The following ATP8A2 variants were observed in gnomAD, a reference collection of about 807,000 sequenced individuals.
ATP8A2 encodes ATPase phospholipid transporting 8A2.
In ATP8A2, 100 loss-of-function variants were observed where a neutral mutation model predicts 165.6. That is an observed-to-expected ratio of 0.60 (90% CI 0.51 to 0.71). The LOEUF is 0.71. Ranked by LOEUF, ATP8A2 falls within the 30% of genes least tolerant of loss-of-function variation. The pLI, the probability that ATP8A2 is intolerant of heterozygous loss-of-function variation, is 0.00. For synonymous variants in ATP8A2, 543 were observed against 548.8 expected, an observed-to-expected ratio of 0.99 and a Z score of 0.15; for missense variants, 1,227 against 1,479.5, an observed-to-expected ratio of 0.83 and a Z score of 2.80.
At chr13:25,443,058 A>G (rs117946465) in intron 1 of ATP8A2, among the ~76,000 whole-genome samples, 1,684 of 152,224 alleles carry the variant, frequency 0.011, 15 homozygotes, top group Middle Eastern at 0.017. Flanking sequence ...ATGAAGTCCA[A>G]TTTGTCTATT....
intron 2 of ATP8A2, among the ~76,000 whole-genome samples, chr13:25,519,121 A>C (rs1012722712): frequency 1.3e-5 from 2 of 152,082 alleles, no homozygotes; most frequent in African/African-American, 4.8e-5. Flanking sequence ...GAGCTCTCCC[A>C]CCTTGGCGTT....
At chr13:25,537,051 A>T (rs1429127027) in intron 6 of ATP8A2, among the ~76,000 whole-genome samples, 1 of 152,052 alleles carries the variant, frequency 6.6e-6, no homozygotes, top group Non-Finnish European at 1.5e-5. Context: ...TGTTCTCTCT[A>T]CCCTAGTGCT....
intron 24 of ATP8A2, among the ~76,000 whole-genome samples, chr13:25,593,190 A>G (rs113529596): frequency 0.049 from 7,399 of 152,236 alleles, 205 homozygotes; most frequent in Middle Eastern, 0.075. Context: ...TGGAGCTCCC[A>G]GGTTGAGAAT....
intron 36 of ATP8A2, among the ~76,000 whole-genome samples, chr13:26,015,277 G>A (rs977315297): frequency 6.6e-6 from 1 of 152,214 alleles, no homozygotes; most frequent in Non-Finnish European, 1.5e-5. Flanking sequence ...AGATCGTCGG[G>A]TGGTCAGAGC....
chr13:25,699,359 G>A lies in ATP8A2; in HGVS notation c.2384+14G>A, dbSNP rs750222184. On this transcript the variant is annotated intron_variant, in intron 25 of 36. Coordinates refer to ENST00000381655, the MANE Select transcript of ATP8A2 (RefSeq NM_016529.6). ...CATATGCTGCAGGTAGGAACCTGCA[G>A]GCTGTGCACAGTTCACACTCTGCTG... 3 of 1,595,210 alleles carry A rather than the reference G, an allele frequency of 1.9e-6. No individual in the cohort carries two copies. The highest frequency in any genetic ancestry group is 8.5e-7 in the Non-Finnish European group (1 of 1,169,600).
intron 26 of ATP8A2, among the ~76,000 whole-genome samples, chr13:25,774,003 C>T (rs1457244583): frequency 2.6e-5 from 4 of 152,008 alleles, no homozygotes; most frequent in African/African-American, 4.8e-5. Context: ...TGTGAGTGTC[C>T]CTGTCCCTTG....
In ATP8A2 at chr13:25,862,265, C is replaced by A; in HGVS notation, c.3076-36C>A. The A allele has an allele frequency of 2.6e-6, 4 of 1,527,536 alleles. No individual in the cohort carries two copies. The South Asian group carries it at 3.4e-5, about 13-fold the overall frequency. The allele number at this position is 1,527,536 out of a possible 1,614,324, so 94.6% of individuals were successfully genotyped here. A position where few individuals can be genotyped will look rare whatever the true frequency, so the allele number is the denominator to read the frequency against. Reference sequence around the variant, plus strand: ...GTTGGGGTGAATCTGCCAGGCTGGTCGAGAAGCCTGTCTGAGTGTCTATTT... The same window carrying A: ...GTTGGGGTGAATCTGCCAGGCTGGTAGAGAAGCCTGTCTGAGTGTCTATTT... On this transcript the variant is annotated intron_variant, in intron 32 of 36. Transcript: ENST00000381655.
intron 34 of ATP8A2, among the ~76,000 whole-genome samples, chr13:25,968,343 G>T (rs981479489): frequency 9.9e-5 from 15 of 152,184 alleles, no homozygotes; most frequent in Non-Finnish European, 1.9e-4. Context: ...TGCGGGGTGG[G>T]GGTGACTCTT....
intron 2 of ATP8A2, among the ~76,000 whole-genome samples, chr13:25,519,339 C>T (rs2037583612): frequency 6.6e-6 from 1 of 152,098 alleles, no homozygotes; most frequent in Non-Finnish European, 1.5e-5. Context: ...TTTTCCCCTG[C>T]AGTATTCATC....
At chr13:25,465,723 C>CTTTCTTTTCTTTCT (rs2035636391) in intron 1 of ATP8A2, among the ~76,000 whole-genome samples, 2 of 47,396 alleles carry the variant, frequency 4.2e-5, no homozygotes, top group Non-Finnish European at 4.1e-5. Flanking sequence ...TTCTTTCTTT[C>CTTTCTTTTCTTTCT]TTTCTTTCTT....
rs886786786 is a variant in ATP8A2, at chr13:26,020,279, T to A, written c.*294T>A. The A allele has an allele frequency of 1.0e-5, 4 of 384,494 alleles. No individual in the cohort carries two copies. The Admixed American group carries it at 1.3e-4, about 12-fold the overall frequency. The allele number at this position is 384,494 out of a possible 1,614,324, so 23.8% of individuals were successfully genotyped here. On this transcript the variant is annotated 3_prime_UTR_variant, in exon 37 of 37. Transcript: ENST00000381655. ...GTGAGGTGTGAAATTAAAAACATTA[T>A]GTTTCACCAATATTTAAACATCAGT...
At chr13:25,936,874 GC>G (rs1171999466) in intron 33 of ATP8A2, among the ~76,000 whole-genome samples, 1 of 152,182 alleles carries the variant, frequency 6.6e-6, no homozygotes. Flanking sequence ...GAGGTCTGAG[GC>G]GTGGAACTCT....
At chr13:26,012,442 C>A in intron 35 of ATP8A2, 89 bp from the exon 36 acceptor site, 1 of 1,044,322 alleles carries the variant, frequency 9.6e-7, no homozygotes, top group South Asian at 1.5e-5. Flanking sequence ...GAGGTGATCC[C>A]CCACCTCATC....
At chr13:25,893,433 C>T (rs1034268569) in intron 33 of ATP8A2, among the ~76,000 whole-genome samples, 2 of 151,916 alleles carry the variant, frequency 1.3e-5, no homozygotes, top group Non-Finnish European at 2.9e-5. Context: ...GCCACATTTT[C>T]TTAATCCAGT....
chr13:25,511,957 A>G (rs2037241353), intron 2 of ATP8A2, among the ~76,000 whole-genome samples: 1 of 150,744 alleles, frequency 6.6e-6, no homozygotes, highest in Non-Finnish European at 1.5e-5. Context: ...GGGTCATAGG[A>G]CAATAGTGGA....
chr13:26,019,295 G>A (rs891637146), intron 36 of ATP8A2, among the ~76,000 whole-genome samples: 1 of 152,190 alleles, frequency 6.6e-6, no homozygotes, highest in Non-Finnish European at 1.5e-5. Flanking sequence ...TACTCAAGAG[G>A]CTGAAGCAGG....
intron 33 of ATP8A2, among the ~76,000 whole-genome samples, chr13:25,924,914 G>C (rs1386921717): frequency 6.6e-6 from 1 of 152,112 alleles, no homozygotes; most frequent in African/African-American, 2.4e-5. Context: ...ACATGCCTTT[G>C]CTCCTCCTTT....
rs1955414007 is a variant in ATP8A2 at position 25,953,052 on chromosome 13, T to C, written c.3184-8523T>C. Among the ~76,000 whole-genome samples, 1 of 152,174 alleles carries C rather than the reference T, an allele frequency of 6.6e-6. No homozygotes were observed. Among genetic ancestry groups the C allele is most frequent in the Non-Finnish European group, 1.5e-5 (1 of 68,024 alleles). ...GGCAAGGAGGGCTGAGAAGAGAAGG[T>C]GGCAATGGCAACTGCAAGGGTTCTT... On this transcript the variant is annotated intron_variant, in intron 33 of 36. Transcript: ENST00000381655. The surrounding 1 kb of genome is among the most constrained non-coding windows in gnomAD (Gnocchi z 6.7).
At chr13:25,977,364 G>T (rs1369898567) in intron 35 of ATP8A2, among the ~76,000 whole-genome samples, 1 of 152,182 alleles carries the variant, frequency 6.6e-6, no homozygotes, top group Non-Finnish European at 1.5e-5. Flanking sequence ...CTCTCGCCTT[G>T]CTGACAAATA....
Sources: gnomAD v4.1 joint callset for allele counts (sites outside exome capture counted in the v4.1 genomes callset) on GRCh38, gnomAD v4.1.1 for gene constraint, Gnocchi (gnomAD v3.1) non-coding constraint, MANE v1.5 for transcripts, NCBI Gene and HGNC (gene_info 2026-07-23, HGNC 2026-07-21) for gene names.